The following ALCAM variants were observed in gnomAD, a reference collection of about 807,000 sequenced individuals.
The protein encoded by ALCAM is activated leukocyte cell adhesion molecule.
A neutral mutation model predicts 70.9 loss-of-function variants in ALCAM; 30 were observed. That is an observed-to-expected ratio of 0.42 (90% CI 0.32 to 0.57). The LOEUF (loss-of-function observed/expected upper bound fraction) is 0.57, where lower values mean the gene tolerates loss of function less well. ALCAM is among the 20% of genes least tolerant of loss of function. The pLI is 0.11. For synonymous variants in ALCAM, 249 were observed against 242.5 expected, an observed-to-expected ratio of 1.03 and a Z score of -0.25; for missense variants, 591 against 695.1, an observed-to-expected ratio of 0.85 and a Z score of 1.68.
At chr3:105,474,123 T>G (rs1368242483) in intron 1 of ALCAM, among the ~76,000 whole-genome samples, 2 of 148,710 alleles carry the variant, frequency 1.3e-5, no homozygotes. Flanking sequence ...GAAAGTATCC[T>G]TTGAGGTTTT....
At chr3:105,382,098 C>T (rs2107336090) in intron 1 of ALCAM, among the ~76,000 whole-genome samples, 1 of 134,050 alleles carries the variant, frequency 7.5e-6, no homozygotes, top group Admixed American at 7.9e-5. Flanking sequence ...CCTCCCCCAA[C>T]CCCACAACAG....
At chr3:105,491,343 A>C (rs1325904228) in intron 1 of ALCAM, among the ~76,000 whole-genome samples, 2 of 152,194 alleles carry the variant, frequency 1.3e-5, no homozygotes, top group African/African-American at 2.4e-5. Context: ...CATGCCATGG[A>C]GACATTTTTC....
chr3:105,526,939 G>C (rs768761892), intron 3 of ALCAM, among the ~76,000 whole-genome samples: 1 of 152,176 alleles, frequency 6.6e-6, no homozygotes, highest in African/African-American at 2.4e-5. Flanking sequence ...AGATCAGGCT[G>C]CTGCTGATTG....
chr3:105,509,621 C>A (rs1227619181), intron 1 of ALCAM, among the ~76,000 whole-genome samples: 3 of 151,904 alleles, frequency 2.0e-5, no homozygotes, highest in African/African-American at 2.4e-5. Context: ...TTTTGGATAT[C>A]AACCCTTTAT....
intron 1 of ALCAM, among the ~76,000 whole-genome samples, chr3:105,510,175 C>T (rs1275341411): frequency 6.6e-6 from 1 of 151,954 alleles, no homozygotes; most frequent in Non-Finnish European, 1.5e-5. Context: ...AATAAGCATA[C>T]CGCAGAGTAA....
chr3:105,483,333 G>A (rs532721543), intron 1 of ALCAM, among the ~76,000 whole-genome samples: 2 of 152,200 alleles, frequency 1.3e-5, no homozygotes, highest in Non-Finnish European at 2.9e-5. Context: ...GAGAGGAAAG[G>A]GTGGGAGGAC....
In ALCAM at chr3:105,556,217, A is replaced by C. The variant is rs563040867; in HGVS notation, c.1664+3632A>C. Among the ~76,000 whole-genome samples the C allele has an allele frequency of 4.9e-4, 74 of 152,162 alleles. 1 individual carries two copies. Among genetic ancestry groups the C allele is most frequent in the African/African-American group, 1.5e-3 (62 of 41,558 alleles). On this transcript the variant is annotated intron_variant, in intron 14 of 15. Coordinates refer to ENST00000306107, the MANE Select transcript of ALCAM (RefSeq NM_001627.4). ...AAATTAAAAGAGCTGAAGTTAAAGG[A>C]AAAATGTAAAGGCAGAGTGATGTAG... is the stretch of plus-strand genomic sequence containing the variant.
intron 1 of ALCAM, among the ~76,000 whole-genome samples, chr3:105,374,768 G>C (rs758550746): frequency 6.6e-6 from 1 of 151,988 alleles, no homozygotes; most frequent in Admixed American, 6.5e-5. Flanking sequence ...TCTACATGCC[G>C]CGGCCTCCCA....
At chr3:105,472,954 T>C (rs548593834) in intron 1 of ALCAM, among the ~76,000 whole-genome samples, 1 of 151,580 alleles carries the variant, frequency 6.6e-6, no homozygotes, top group East Asian at 1.9e-4. Flanking sequence ...ATAATAATGC[T>C]AATAAGGTGG....
chr3:105,540,584 T>G (rs2152629009), intron 7 of ALCAM, among the ~76,000 whole-genome samples: 1 of 152,132 alleles, frequency 6.6e-6, no homozygotes, highest in East Asian at 1.9e-4. Flanking sequence ...TTCCTCAACT[T>G]TTCTCCATAT....
At position 105,545,173 on chromosome 3, in the gene ALCAM, C is replaced by G. The variant is rs762985784; in HGVS notation, c.992-50C>G. The G allele has an allele frequency of 2.4e-5, 28 of 1,178,756 alleles. No individual in the cohort carries two copies. The Admixed American group carries it at 4.2e-4, about 18-fold the overall frequency. The allele number at this position is 1,178,756 out of a possible 1,614,324, so 73.0% of individuals were successfully genotyped here. A position where few individuals can be genotyped will look rare whatever the true frequency, so the allele number is the denominator to read the frequency against. On this transcript the variant is annotated intron_variant, in intron 8 of 15. Transcript: ENST00000306107. ...TCTTTTCTTCTCCAAAATATTTTGACTATCTTACATTTCAGAGTTAGCACT... is the reference window on the plus strand; with the variant it reads ...TCTTTTCTTCTCCAAAATATTTTGAGTATCTTACATTTCAGAGTTAGCACT...
intron 1 of ALCAM, among the ~76,000 whole-genome samples, chr3:105,498,205 T>C (rs1339518881): frequency 6.6e-6 from 1 of 152,150 alleles, no homozygotes; most frequent in East Asian, 1.9e-4. Context: ...TTCAAAGTCA[T>C]ATGGCTAGGA....
intron 3 of ALCAM, 129 bp from the exon 4 acceptor site, chr3:105,531,873 G>A (rs1576225446): frequency 7.5e-6 from 6 of 800,366 alleles, no homozygotes; most frequent in South Asian, 4.4e-5. Flanking sequence ...ATTGTATAAC[G>A]AAATCTATTT....
At chr3:105,469,258 A>T (rs775539146) in intron 1 of ALCAM, among the ~76,000 whole-genome samples, 17 of 151,258 alleles carry the variant, frequency 1.1e-4, no homozygotes, top group Non-Finnish European at 2.2e-4. Flanking sequence ...TGAAATTTCT[A>T]TTCAGATGTT....
At chr3:105,374,296 C>T (rs774076401) in intron 1 of ALCAM, among the ~76,000 whole-genome samples, 1 of 152,030 alleles carries the variant, frequency 6.6e-6, no homozygotes, top group Non-Finnish European at 1.5e-5. Flanking sequence ...TGGCTCATAC[C>T]TATAATCCTA....
chr3:105,541,104 T>C (rs540621621), intron 7 of ALCAM, among the ~76,000 whole-genome samples: 1 of 142,374 alleles, frequency 7.0e-6, no homozygotes, highest in East Asian at 2.1e-4. Context: ...CTAGTCTTAA[T>C]TTCTTAATTT....
intron 1 of ALCAM, among the ~76,000 whole-genome samples, chr3:105,387,929 C>T (rs1486227545): frequency 6.6e-6 from 1 of 151,498 alleles, no homozygotes; most frequent in Non-Finnish European, 1.5e-5. Flanking sequence ...TGCATTATCT[C>T]TTTTTTTAAT....
intron 1 of ALCAM, among the ~76,000 whole-genome samples, chr3:105,464,650 G>A (rs192872727): frequency 2.6e-4 from 40 of 151,434 alleles, no homozygotes; most frequent in Admixed American, 1.7e-3. Context: ...CTTCCCAGAA[G>A]ACTGGATCTG....
At chr3:105,538,405 A>G (rs1940025844) in intron 6 of ALCAM, among the ~76,000 whole-genome samples, 1 of 152,116 alleles carries the variant, frequency 6.6e-6, no homozygotes, top group Non-Finnish European at 1.5e-5. Context: ...TCAGGGGCAA[A>G]CGCAGAGCAA....
Sources: gnomAD v4.1 joint callset for allele counts (sites outside exome capture counted in the v4.1 genomes callset) on GRCh38, gnomAD v4.1.1 for gene constraint, MANE v1.5 for transcripts, NCBI Gene and HGNC (gene_info 2026-07-23, HGNC 2026-07-21) for gene names.